The following SH3TC1 variants were observed in gnomAD, a reference collection of about 807,000 sequenced individuals.
The protein encoded by SH3TC1 is SH3 domain and tetratricopeptide repeat-containing protein 1.
SH3TC1 carries 135 observed loss-of-function variants against 117.3 expected under a neutral mutation model. That is an observed-to-expected ratio of 1.15 (90% CI 1.00 to 1.33). The LOEUF (loss-of-function observed/expected upper bound fraction) is 1.33, where lower values mean the gene tolerates loss of function less well. Among genes scored for constraint, SH3TC1 ranks in the 40% most tolerant of loss-of-function variants. The pLI, the probability that SH3TC1 is intolerant of heterozygous loss-of-function variation, is 0.00. For synonymous variants in SH3TC1, 898 were observed against 816.9 expected, an observed-to-expected ratio of 1.10 and a Z score of -1.69; for missense variants, 2,092 against 1,794.3, an observed-to-expected ratio of 1.17 and a Z score of -3.00.
Position 8,227,908 on chromosome 4 carries a change from GGGCTCGCTGGCC to G in SH3TC1, c.2224_2235del (p.Ala742_Leu745del), listed in dbSNP as rs758775972. On this transcript the variant is annotated inframe_deletion, in exon 12 of 18. Transcript: ENST00000245105. ...TCAAGGTGGCCTCATTGCGGACACG[GGGCTCGCTGGCC>G]GGCTCGCTGAGGAGTGTGAACCTGG... 43 of 1,612,778 alleles carry G rather than the reference GGGCTCGCTGGCC, an allele frequency of 2.7e-5. No individual in the cohort carries two copies. The East Asian group carries it at 3.3e-4, about 13-fold the overall frequency.
At chr4:8,235,727 G>C (rs937388055) in intron 15 of SH3TC1, 172 bp downstream of exon 15, 34 of 921,576 alleles carry the variant, frequency 3.7e-5, no homozygotes, top group Non-Finnish European at 4.7e-5. Context: ...CCCCGCCCGG[G>C]ACAAACACTT....
intron 1 of SH3TC1, among the ~76,000 whole-genome samples, chr4:8,200,554 G>T (rs530192700): frequency 6.6e-6 from 1 of 152,206 alleles, no homozygotes; most frequent in African/African-American, 2.4e-5. Context: ...CTGGGCCAGC[G>T]TTTTTTGCAT....
chr4:8,236,367 G>A lies in SH3TC1; in HGVS notation c.3495G>A (p.Leu1165=), dbSNP rs1418808582. The A allele has an allele frequency of 2.7e-5, 42 of 1,546,754 alleles. No homozygotes were observed. Among genetic ancestry groups the A allele is most frequent in the Non-Finnish European group, 3.3e-5 (38 of 1,145,168 alleles). ...AGCTGGTGGCACTGCTGGCCACGCT[G>A]GAGGAGCCCCAGGAGGGCTTGGAGT... is the stretch of plus-strand genomic sequence containing the variant. ...CNKLVALLAT[L]EEPQEGLEFA... The change falls in exon 16 of 18, where the codon CTG becomes CTA. Residue 1165 remains leucine, a synonymous_variant. Transcript: ENST00000245105.
Position 8,235,508 on chromosome 4 carries a change from T to A in SH3TC1, c.3358T>A (p.Phe1120Ile), listed in dbSNP as rs1168197367. Residue 1120 changes from phenylalanine to isoleucine, a missense_variant, in exon 15 of 18, where the codon TTC (phenylalanine) becomes ATC (isoleucine). Physicochemically the swap from Phe to Ile is conservative, Grantham distance 21. Transcript: ENST00000245105. The stretch of plus-strand genomic sequence containing the variant: ...GCTGTTTGAGGCGGCTGGAGACATC[T>A]TCTTCGACGGGGCCTGGGAGCGGGA... ...LELFEAAGDI[F>I]FDGAWEREKA... 7 of 1,607,030 alleles carry A rather than the reference T, an allele frequency of 4.4e-6. No homozygotes were observed. The highest frequency in any genetic ancestry group is 6.0e-6 in the Non-Finnish European group (7 of 1,175,924).
chr4:8,237,747 G>A lies in SH3TC1; in HGVS notation c.3753+77G>A, dbSNP rs1226680207. The stretch of plus-strand genomic sequence containing the variant: ...ATCTCCACCCAGACCCCTGAGGCAT[G>A]TGTTCCAGCCTTCCTTAAGAATGGC... On this transcript the variant is annotated intron_variant, in intron 17 of 17. Coordinates refer to ENST00000245105, the MANE Select transcript of SH3TC1 (RefSeq NM_018986.5). 7 of 1,451,436 alleles carry A rather than the reference G, an allele frequency of 4.8e-6. No individual in the cohort carries two copies. In the South Asian group the frequency reaches 5.6e-5, roughly 12 times the overall value. The allele number at this position is 1,451,436 out of a possible 1,614,324, so 89.9% of individuals were successfully genotyped here.
intron 5 of SH3TC1, 100 bp downstream of exon 5, chr4:8,214,680 T>C (rs887718078): frequency 6.5e-6 from 6 of 918,256 alleles, no homozygotes; most frequent in Non-Finnish European, 1.0e-5. Context: ...CTTTGTTTAT[T>C]TATTTATTGA....
At chr4:8,236,536 T>C (rs1721834341) in intron 16 of SH3TC1, 108 bp downstream of exon 16, 3 of 1,371,414 alleles carry the variant, frequency 2.2e-6, no homozygotes, top group South Asian at 3.1e-5. Context: ...CCTGGTCTCC[T>C]GTCCAGGCAG....
At chr4:8,220,125 C>T (rs145614747) in intron 9 of SH3TC1, among the ~76,000 whole-genome samples, 28 of 152,314 alleles carry the variant, frequency 1.8e-4, no homozygotes, top group African/African-American at 5.5e-4. Flanking sequence ...TGCAAAGATC[C>T]TTTCTCCAAG....
At chr4:8,196,406 T>G (rs1717557877), upstream of SH3TC1, among the ~76,000 whole-genome samples, 1 of 143,464 alleles carries the variant, frequency 7.0e-6, no homozygotes, top group Admixed American at 6.9e-5. This position sits in a 1 kb window ranked among gnomAD's most constrained non-coding sequence, Gnocchi z 4.6. Context: ...CCTGGAGGGG[T>G]GGGGTGGGGT....
intron 11 of SH3TC1, 125 bp from the exon 12 acceptor site, chr4:8,226,855 G>T (rs1203074535): frequency 6.7e-6 from 4 of 598,638 alleles, no homozygotes; most frequent in Non-Finnish European, 1.1e-5. Flanking sequence ...AAGCCGGTAG[G>T]GTGGTATCGT....
In SH3TC1 at chr4:8,210,238, G is replaced by A. The variant is rs1476079638; in HGVS notation, c.247+416G>A. Among the ~76,000 whole-genome samples the A allele has an allele frequency of 6.6e-6, 1 of 152,182 alleles. No homozygotes were observed. The highest frequency in any genetic ancestry group is 1.9e-4 in the East Asian group (1 of 5,182). ...TGGAGGGAGGCAGCCCTGGGCCGGG[G>A]AGCAGAGCCCACAAAGGGGGCCCAG... is the stretch of plus-strand genomic sequence containing the variant. On this transcript the variant is annotated intron_variant, in intron 3 of 17. Coordinates refer to ENST00000245105, the MANE Select transcript of SH3TC1 (RefSeq NM_018986.5). This position sits in a 1 kb window ranked among gnomAD's most constrained non-coding sequence, Gnocchi z 4.1.
rs574209951 is a variant in SH3TC1, at chr4:8,210,200, C to T, written c.247+378C>T. Among the ~76,000 whole-genome samples the T allele has an allele frequency of 3.3e-5, 5 of 152,156 alleles. No homozygotes were observed. Among genetic ancestry groups the T allele is most frequent in the East Asian group, 1.9e-4 (1 of 5,172 alleles). On this transcript the variant is annotated intron_variant, in intron 3 of 17. Transcript: ENST00000245105. The surrounding 1 kb of genome is among the most constrained non-coding windows in gnomAD (Gnocchi z 4.1). The stretch of plus-strand genomic sequence containing the variant: ...ACAGGCTTCCCAGGGATGGGATCGC[C>T]GCAGGGCACAGGTGGAGGGAGGCAG...
At chr4:8,229,760 G>C (rs542675358) in intron 12 of SH3TC1, among the ~76,000 whole-genome samples, 1 of 152,156 alleles carries the variant, frequency 6.6e-6, no homozygotes, top group African/African-American at 2.4e-5. Flanking sequence ...TGACTGCAAG[G>C]AGACCCTCCA....
intron 1 of SH3TC1, chr4:8,201,801 C>G (rs1422281090): frequency 6.6e-6 from 1 of 152,264 alleles, no homozygotes; most frequent in Non-Finnish European, 1.5e-5. Flanking sequence ...CGGAGAAGCC[C>G]TGGATGCCGT....
At position 8,205,705 on chromosome 4, in the gene SH3TC1, G is replaced by A; in HGVS notation, c.172+339G>A. Reference sequence around the variant, plus strand: ...CGATGGGTTTGGCCTTGGAACCCCTGAGAGTCCTCAGGATGAGGCATCCTC... The same window carrying A: ...CGATGGGTTTGGCCTTGGAACCCCTAAGAGTCCTCAGGATGAGGCATCCTC... On this transcript the variant is annotated intron_variant, in intron 2 of 17. Transcript: ENST00000245105. The surrounding 1 kb of genome is among the most constrained non-coding windows in gnomAD (Gnocchi z 5.4). 1 of 714,560 alleles carries A rather than the reference G, an allele frequency of 1.4e-6. No homozygotes were observed. Among genetic ancestry groups the A allele is most frequent in the African/African-American group, 1.7e-5 (1 of 58,076 alleles). The allele number at this position is 714,560 out of a possible 1,614,324, so 44.3% of individuals were successfully genotyped here.
At chr4:8,218,464 T>C (rs113142756) in intron 8 of SH3TC1, 117 bp downstream of exon 8, 6,822 of 670,028 alleles carry the variant, frequency 0.01, 60 homozygotes, top group Non-Finnish European at 0.013. Flanking sequence ...TATCAGGTAG[T>C]GCAAGAGTAA....
intron 5 of SH3TC1, among the ~76,000 whole-genome samples, chr4:8,215,856 G>A (rs1435267478): frequency 6.6e-6 from 1 of 152,230 alleles, no homozygotes; most frequent in African/African-American, 2.4e-5. Flanking sequence ...TGGAGGCGTG[G>A]AGAGGTCAGA....
chr4:8,222,763 G>T, intron 9 of SH3TC1, 77 bp from the exon 10 acceptor site: 1 of 1,548,468 alleles, frequency 6.5e-7, no homozygotes. Context: ...GTCAAATCAA[G>T]GAATGGAAAT....
At position 8,209,358 on chromosome 4, in the gene SH3TC1, G is replaced by A. The variant is rs1718453905; in HGVS notation, c.173-390G>A. ...ATGCAGTGACAAAGCGGAAGTAGAAGTGGCGGCCACAAGCCGAGGGACGTG... is the reference window on the plus strand; with the variant it reads ...ATGCAGTGACAAAGCGGAAGTAGAAATGGCGGCCACAAGCCGAGGGACGTG... On this transcript the variant is annotated intron_variant, in intron 2 of 17. Coordinates refer to ENST00000245105, the MANE Select transcript of SH3TC1 (RefSeq NM_018986.5). The surrounding 1 kb of genome is among the most constrained non-coding windows in gnomAD (Gnocchi z 5.9). Among the ~76,000 whole-genome samples the A allele has an allele frequency of 1.3e-5, 2 of 152,244 alleles. No homozygotes were observed. The highest frequency in any genetic ancestry group is 1.3e-4 in the Admixed American group (2 of 15,292).
Sources: allele counts gnomAD v4.1 joint callset (sites outside exome capture counted in the v4.1 genomes callset), GRCh38; gene constraint gnomAD v4.1.1; non-coding constraint Gnocchi (gnomAD v3.1); transcripts MANE v1.5; gene names NCBI Gene and HGNC (gene_info 2026-07-23, HGNC 2026-07-21).